Variants in CTNNA2 observed in about 807,000 individuals in gnomAD.
CTNNA2 encodes the protein catenin alpha-2.
Under a neutral mutation model 101.0 loss-of-function variants are expected in CTNNA2, and 42 were observed. That is an observed-to-expected ratio of 0.42 (90% CI 0.32 to 0.54). The LOEUF is 0.54. CTNNA2 is among the 20% of genes least tolerant of loss of function. The pLI is 0.14. For synonymous variants in CTNNA2, 450 were observed against 456.4 expected, an observed-to-expected ratio of 0.99 and a Z score of 0.18; for missense variants, 871 against 1,223.1, an observed-to-expected ratio of 0.71 and a Z score of 4.29.
At chr2:79,675,845 T>G (rs2104610738) in intron 2 of CTNNA2, among the ~76,000 whole-genome samples, 1 of 152,364 alleles carries the variant, frequency 6.6e-6, no homozygotes, top group African/African-American at 2.4e-5. Context: ...ATGTAAGTTC[T>G]TCTTTCTTAA....
intron 7 of CTNNA2, among the ~76,000 whole-genome samples, chr2:80,264,905 C>A (rs1672887615): frequency 2.6e-5 from 4 of 151,536 alleles, no homozygotes; most frequent in Non-Finnish European, 5.9e-5. Flanking sequence ...AGGAAGGATC[C>A]TGAAAGCATT....
At chr2:80,589,035 C>T (rs560122903) in intron 14 of CTNNA2, among the ~76,000 whole-genome samples, 4 of 152,194 alleles carry the variant, frequency 2.6e-5, no homozygotes, top group South Asian at 2.1e-4. Context: ...GCCATCAAAG[C>T]GGCAGAGAAG....
intron 2 of CTNNA2, among the ~76,000 whole-genome samples, chr2:79,737,176 C>T (rs1670943137): frequency 6.6e-6 from 1 of 152,020 alleles, no homozygotes; most frequent in East Asian, 1.9e-4. Context: ...GGCGAAACCC[C>T]GTCTCTACTA....
chr2:80,637,429 C>G (rs1484857925), intron 18 of CTNNA2, among the ~76,000 whole-genome samples: 1 of 151,580 alleles, frequency 6.6e-6, no homozygotes, highest in Non-Finnish European at 1.5e-5. Flanking sequence ...CCAGGTTTCC[C>G]TCAGTAGGAG....
chr2:79,663,413 A>G (rs1374108557), intron 2 of CTNNA2, among the ~76,000 whole-genome samples: 1 of 152,194 alleles, frequency 6.6e-6, no homozygotes, highest in Admixed American at 6.5e-5. Context: ...CCTTGCTGTA[A>G]TCACCTAATG....
chr2:80,431,489 G>C (rs1681502717), intron 9 of CTNNA2, among the ~76,000 whole-genome samples: 1 of 152,086 alleles, frequency 6.6e-6, no homozygotes, highest in South Asian at 2.1e-4. Context: ...CAGATTCTAG[G>C]AAAAGGGAAG....
chr2:80,147,046 A>G (rs1703393587), intron 7 of CTNNA2, among the ~76,000 whole-genome samples: 1 of 151,304 alleles, frequency 6.6e-6, no homozygotes, highest in Admixed American at 6.6e-5. Context: ...GCTCACTGCA[A>G]TCTCCGCCTC....
intron 7 of CTNNA2, among the ~76,000 whole-genome samples, chr2:80,312,842 CT>C (rs1338930802): frequency 6.6e-6 from 1 of 152,110 alleles, no homozygotes; most frequent in Admixed American, 6.5e-5. Flanking sequence ...TAATATCTAC[CT>C]TTAAAGGGAG....
rs555721320 is a variant in CTNNA2 at position 79,352,458 on chromosome 2, A to G, written c.-317-21373A>G. Among the ~76,000 whole-genome samples, 6 of 152,078 alleles carry G rather than the reference A, an allele frequency of 3.9e-5. No homozygotes were observed. In the South Asian group the frequency reaches 1.2e-3, roughly 32 times the overall value. ...ATCTTTGTCATTTCTGATTGTGCTT[A>G]TTTGGATATTCTCTCTTTTTTTCTG... is the stretch of plus-strand genomic sequence containing the variant. On this transcript the variant is annotated intron_variant, in intron 3 of 21. Coordinates refer to the CTNNA2 transcript ENST00000466387.
intron 2 of CTNNA2, among the ~76,000 whole-genome samples, chr2:79,718,553 C>A (rs1250013405): frequency 6.6e-6 from 1 of 152,110 alleles, no homozygotes; most frequent in East Asian, 1.9e-4. Context: ...AAAGATGAAG[C>A]CTCCAGAAAT....
At chr2:79,648,616 CCTT>C (rs2104459059) in intron 1 of CTNNA2, among the ~76,000 whole-genome samples, 1 of 152,214 alleles carries the variant, frequency 6.6e-6, no homozygotes, top group African/African-American at 2.4e-5. Flanking sequence ...GAGCTTCTTA[CCTT>C]CTTCTACCTT....
intron 1 of CTNNA2, among the ~76,000 whole-genome samples, chr2:79,602,348 A>T (rs1406359331): frequency 6.6e-6 from 1 of 152,108 alleles, no homozygotes; most frequent in African/African-American, 2.4e-5. Context: ...CCCATTCATG[A>T]TTTAAAAAAA....
At chr2:79,856,110 A>T (rs1681116807) in intron 3 of CTNNA2, among the ~76,000 whole-genome samples, 2 of 152,204 alleles carry the variant, frequency 1.3e-5, no homozygotes, top group African/African-American at 4.8e-5. Context: ...AGTTTCTCCC[A>T]TGCTGTTGTT....
chr2:80,334,813 T>C (rs956189860), intron 7 of CTNNA2, among the ~76,000 whole-genome samples: 2 of 152,202 alleles, frequency 1.3e-5, no homozygotes, highest in African/African-American at 4.8e-5. Flanking sequence ...ATCCTCTTGG[T>C]CTGCCCAGGA....
intron 18 of CTNNA2, among the ~76,000 whole-genome samples, chr2:80,636,934 T>TAGAA (rs1466742387): frequency 5.3e-5 from 8 of 152,200 alleles, no homozygotes; most frequent in South Asian, 2.1e-4. Context: ...TCAGTAGTGC[T>TAGAA]AGAAAAGATA....
At chr2:80,229,532 G>T (rs1012291293) in intron 7 of CTNNA2, among the ~76,000 whole-genome samples, 2 of 152,322 alleles carry the variant, frequency 1.3e-5, no homozygotes, top group East Asian at 1.9e-4. Context: ...AGGGATGGGT[G>T]CAGAGCTGTC....
chr2:79,866,237 C>T (rs74374414), intron 4 of CTNNA2, among the ~76,000 whole-genome samples: 3,028 of 152,242 alleles, frequency 0.02, 105 homozygotes, highest in African/African-American at 0.068. Flanking sequence ...ATTTCTTAAC[C>T]CACTAAATTG....
intron 6 of CTNNA2, among the ~76,000 whole-genome samples, chr2:79,879,696 T>C (rs1157335776): frequency 1.3e-5 from 2 of 152,198 alleles, no homozygotes; most frequent in African/African-American, 4.8e-5. Context: ...TGAAGTTGCT[T>C]ATCAGTTTAG....
chr2:80,113,142 A>T (rs1166860970), intron 7 of CTNNA2, among the ~76,000 whole-genome samples: 2 of 152,174 alleles, frequency 1.3e-5, no homozygotes, highest in Non-Finnish European at 2.9e-5. Context: ...AAAGACAAGG[A>T]AAGTCAGGGA....
Sources: gnomAD v4.1 joint callset for allele counts (sites outside exome capture counted in the v4.1 genomes callset) on GRCh38, gnomAD v4.1.1 for gene constraint, MANE v1.5 for transcripts, NCBI Gene and HGNC (gene_info 2026-07-23, HGNC 2026-07-21) for gene names.